The following ATP8A2 variants were observed in gnomAD, a reference collection of about 807,000 sequenced individuals.
ATP8A2 encodes ATPase phospholipid transporting 8A2, also known as phospholipid-transporting ATPase IB.
A neutral mutation model predicts 165.6 loss-of-function variants in ATP8A2; 100 were observed. The observed-to-expected ratio is 0.60, with a 90% CI of 0.51 to 0.71. The LOEUF is 0.71. Ranked by LOEUF, ATP8A2 falls within the 30% of genes least tolerant of loss-of-function variation. The probability of loss-of-function intolerance (pLI) is 0.00; values close to 1 mark genes in which losing one functional copy is unlikely to be tolerated. For synonymous variants in ATP8A2, 543 were observed against 548.8 expected, an observed-to-expected ratio of 0.99 and a Z score of 0.15; for missense variants, 1,227 against 1,479.5, an observed-to-expected ratio of 0.83 and a Z score of 2.80.
chr13:25,923,431 G>A (rs306410), intron 33 of ATP8A2, among the ~76,000 whole-genome samples: 133,356 of 152,236 alleles, frequency 0.88, 58,523 homozygotes, highest in East Asian at 0.99. Context: ...GAAACGCACA[G>A]GTTGTGAAAT....
intron 25 of ATP8A2, among the ~76,000 whole-genome samples, chr13:25,728,932 AC>A (rs1481640436): frequency 6.6e-6 from 1 of 152,004 alleles, no homozygotes; most frequent in African/African-American, 2.4e-5. Flanking sequence ...AACTCTGAAA[AC>A]CCTGTTTTTC....
chr13:25,717,854 C>T (rs1214467765), intron 25 of ATP8A2, among the ~76,000 whole-genome samples: 1 of 152,162 alleles, frequency 6.6e-6, no homozygotes, highest in Non-Finnish European at 1.5e-5. Flanking sequence ...CTGGCATGTA[C>T]CTAATGCACA....
At chr13:25,723,787 T>C (rs780839213) in intron 25 of ATP8A2, among the ~76,000 whole-genome samples, 8 of 151,150 alleles carry the variant, frequency 5.3e-5, no homozygotes, top group Non-Finnish European at 8.8e-5. Flanking sequence ...AGACTGCAGC[T>C]GGAATGAGTT....
chr13:25,616,503 G>A (rs1288446597), intron 24 of ATP8A2, among the ~76,000 whole-genome samples: 1 of 151,406 alleles, frequency 6.6e-6, no homozygotes, highest in African/African-American at 2.4e-5. Flanking sequence ...AGATAATTTT[G>A]TTATTTTTAG....
At chr13:25,916,278 A>G (rs1005235479) in intron 33 of ATP8A2, among the ~76,000 whole-genome samples, 1 of 152,208 alleles carries the variant, frequency 6.6e-6, no homozygotes, top group Non-Finnish European at 1.5e-5. Context: ...ACTCAGCACA[A>G]ACCTTCTGCA....
intron 25 of ATP8A2, among the ~76,000 whole-genome samples, chr13:25,755,642 C>T (rs994057037): frequency 3.3e-5 from 5 of 152,182 alleles, no homozygotes; most frequent in African/African-American, 1.2e-4. Flanking sequence ...CACGGTGGCT[C>T]ATGCCTGTAA....
chr13:25,839,570 G>A lies in ATP8A2; in HGVS notation c.2902G>A (p.Ala968Thr), dbSNP rs1951707560. 5 of 1,614,072 alleles carry A rather than the reference G, an allele frequency of 3.1e-6. No homozygotes were observed. The highest frequency in any genetic ancestry group is 1.6e-4 in the Middle Eastern group (1 of 6,062). The change falls in exon 30 of 37, where the codon GCC becomes ACC. Residue 968 changes from alanine (A) to threonine (T), a missense_variant. Physicochemically the swap from Ala to Thr is moderately conservative, Grantham distance 58. Coordinates refer to ENST00000381655, the MANE Select transcript of ATP8A2 (RefSeq NM_016529.6). ...GGTTTTCTGGGGTCACTGCATCAACGCCTTGGTCCACTCCCTCATCCTCTT... is the reference window on the plus strand; with the variant it reads ...GGTTTTCTGGGGTCACTGCATCAACACCTTGGTCCACTCCCTCATCCTCTT... ...TKVFWGHCIN[A>T]LVHSLILFWF...
At chr13:25,589,754 C>A in intron 24 of ATP8A2, 55 bp downstream of exon 24, 1 of 1,077,988 alleles carries the variant, frequency 9.3e-7, no homozygotes, top group Non-Finnish European at 1.4e-6. Flanking sequence ...TAAACTCTTT[C>A]TTTCTACTAT....
intron 33 of ATP8A2, among the ~76,000 whole-genome samples, chr13:25,915,737 C>T (rs1342804686): frequency 6.6e-6 from 1 of 152,236 alleles, no homozygotes; most frequent in African/African-American, 2.4e-5. Context: ...CAGACCCAGG[C>T]TGTATCTGTC....
chr13:25,541,663 C>T (rs187299004), intron 8 of ATP8A2, among the ~76,000 whole-genome samples: 14 of 152,248 alleles, frequency 9.2e-5, no homozygotes, highest in African/African-American at 1.9e-4. Flanking sequence ...TACTTATGCA[C>T]GGATGTTTCT....
chr13:25,734,087 C>T, intron 25 of ATP8A2, among the ~76,000 whole-genome samples: 1 of 152,140 alleles, frequency 6.6e-6, no homozygotes, highest in East Asian at 1.9e-4. Context: ...TCTCTTTTAC[C>T]ATGAAAAGCT....
At chr13:25,946,617 G>A (rs9578940) in intron 33 of ATP8A2, among the ~76,000 whole-genome samples, 9,372 of 152,252 alleles carry the variant, frequency 0.062, 957 homozygotes, top group African/African-American at 0.21. Flanking sequence ...AGAGGGGAGC[G>A]AGGGCACACC....
chr13:25,657,709 A>G (rs768867499), intron 24 of ATP8A2, among the ~76,000 whole-genome samples: 2 of 152,242 alleles, frequency 1.3e-5, no homozygotes, highest in African/African-American at 2.4e-5. Flanking sequence ...CTTTTACTCT[A>G]GAATCTTTGG....
chr13:25,393,003 T>C (rs114542654), intron 1 of ATP8A2, among the ~76,000 whole-genome samples: 1,903 of 152,302 alleles, frequency 0.012, 40 homozygotes, highest in African/African-American at 0.044. Flanking sequence ...ATGTCCCCTT[T>C]TCCCTGGGAC....
chr13:25,819,145 G>A (rs1413536518), intron 27 of ATP8A2, among the ~76,000 whole-genome samples: 2 of 151,748 alleles, frequency 1.3e-5, no homozygotes, highest in Non-Finnish European at 2.9e-5. Context: ...CATTTTTGTT[G>A]TGGTTTTTAC....
chr13:25,384,577 G>A (rs1243172001), intron 1 of ATP8A2, among the ~76,000 whole-genome samples: 2 of 152,002 alleles, frequency 1.3e-5, no homozygotes, highest in Admixed American at 6.6e-5. Flanking sequence ...TTTGTTTTGC[G>A]TTGTTTTGTT....
chr13:25,521,691 G>A (rs761469443), intron 2 of ATP8A2, among the ~76,000 whole-genome samples: 2 of 152,096 alleles, frequency 1.3e-5, no homozygotes, highest in African/African-American at 4.8e-5. Context: ...TAAATGCATG[G>A]CTTTATATCT....
intron 24 of ATP8A2, among the ~76,000 whole-genome samples, chr13:25,591,528 A>C (rs750353310): frequency 6.6e-6 from 1 of 151,766 alleles, no homozygotes; most frequent in Non-Finnish European, 1.5e-5. Flanking sequence ...TTGCATGCCT[A>C]TACTACATTT....
intron 25 of ATP8A2, among the ~76,000 whole-genome samples, chr13:25,712,028 A>G (rs926137855): frequency 1.3e-5 from 2 of 152,014 alleles, no homozygotes; most frequent in Non-Finnish European, 2.9e-5. Context: ...CTGAAGCTAG[A>G]AAAAAAATGC....
Sources: gnomAD v4.1 joint callset for allele counts (sites outside exome capture counted in the v4.1 genomes callset) on GRCh38, gnomAD v4.1.1 for gene constraint, MANE v1.5 for transcripts, NCBI Gene and HGNC (gene_info 2026-07-23, HGNC 2026-07-21) for gene names.